GGT1: variants seen among roughly 807,000 people sequenced by gnomAD.
GGT1 encodes glutathione hydrolase 1 proenzyme.
GGT1 carries 21 observed loss-of-function variants against 56.0 expected under a neutral mutation model. The observed-to-expected ratio is 0.38, with a 90% CI of 0.27 to 0.54. GGT1 has a LOEUF of 0.54. Among genes scored for constraint, GGT1 ranks in the 20% least tolerant of loss-of-function variants. GGT1 has a pLI of 0.82. For missense variants in GGT1, 466 were observed against 787.0 expected (o/e 0.59, Z 4.88); for synonymous variants, 238 against 342.6 (o/e 0.69, Z 3.37).
the GGT1 span, chr22:24,588,474 C>A: frequency 3.9e-6 from 3 of 771,860 alleles, no homozygotes; most frequent in South Asian, 5.1e-5. Context: ...GGGCCTCCCC[C>A]TCCTACCCCC....
At chr22:24,599,891 AGG>A (rs2045756314), upstream of GGT1, among the ~76,000 whole-genome samples, 1 of 151,918 alleles carries the variant, frequency 6.6e-6, no homozygotes, top group African/African-American at 2.4e-5. Flanking sequence ...GTGAAGTCAC[AGG>A]GGGCTGTGGG....
chr22:24,621,169 G>A, intron 9 of GGT1, 99 bp downstream of exon 9: 4 of 1,484,038 alleles, frequency 2.7e-6, no homozygotes, highest in Non-Finnish European at 3.6e-6. Flanking sequence ...GCCTGAGCCT[G>A]CAGGAAGTTC....
At chr22:24,585,616 G>A in the GGT1 span, 91 of 521,242 alleles carry the variant, frequency 1.7e-4, 1 homozygote, top group South Asian at 2.1e-3. Flanking sequence ...CCTGAGGTTG[G>A]TGATGCAGAA....
Position 24,621,065 on chromosome 22 carries a change from C to T in GGT1, c.728C>T (p.Ala243Val), listed in dbSNP as rs769782305. Reference protein sequence around the residue: ...LTAQIVKDIQAAGGIVTAEDL... With the variant: ...LTAQIVKDIQVAGGIVTAEDL... ...GCCCAGATTGTGAAGGACATCCAGG[C>T]GGCCGGTGAGTGGGTAACCTCAGGG... Residue 243 changes from alanine (A) to valine (V), a missense_variant, in exon 9 of 16, where the codon GCG becomes GTG. By Grantham distance (64) the Ala-to-Val change is moderately conservative. Transcript: ENST00000400382. 85 of 1,576,734 alleles carry T rather than the reference C, an allele frequency of 5.4e-5. No homozygotes were observed. The highest frequency in any genetic ancestry group is 6.9e-5 in the South Asian group (6 of 87,304).
At chr22:24,584,738 T>TA in the GGT1 span, among the ~76,000 whole-genome samples, 1 of 151,908 alleles carries the variant, frequency 6.6e-6, no homozygotes, top group Non-Finnish European at 1.5e-5. Context: ...CCCCAGACCT[T>TA]ACCTCCTGGC....
chr22:24,590,825 C>G (rs2045547935), upstream of GGT1, among the ~76,000 whole-genome samples: 7 of 152,156 alleles, frequency 4.6e-5, no homozygotes, highest in Admixed American at 4.6e-4. Flanking sequence ...ACCTCCATGA[C>G]CATCTTCCCA....
At position 24,620,967 on chromosome 22, in the gene GGT1, G is replaced by C; in HGVS notation, c.630G>C (p.Leu210=). Residue 210 remains leucine, a synonymous_variant, in exon 9 of 16, where the codon CTG becomes CTC. Transcript: ENST00000400382. This position sits in a 1 kb window ranked among gnomAD's most constrained non-coding sequence, Gnocchi z 5.6. ...TTCGGGAGGGGGAGAGACTGACCCTGCCGCAGCTGGCTGACACCTACGAGA... is the reference window on the plus strand; with the variant it reads ...TTCGGGAGGGGGAGAGACTGACCCTCCCGCAGCTGGCTGACACCTACGAGA... ...KVLREGERLT[L]PQLADTYETL... 21 of 1,612,034 alleles carry C rather than the reference G, an allele frequency of 1.3e-5. No individual in the cohort carries two copies. The highest frequency in any genetic ancestry group is 1.8e-5 in the Non-Finnish European group (21 of 1,179,854).
At chr22:24,619,958 C>T (rs2047311726) in intron 7 of GGT1, among the ~76,000 whole-genome samples, 1 of 149,774 alleles carries the variant, frequency 6.7e-6, no homozygotes, top group Non-Finnish European at 1.5e-5. Context: ...CATCCCTGGT[C>T]CATGTACACT....
chr22:24,602,171 A>C (rs577674115), upstream of GGT1, among the ~76,000 whole-genome samples: 1 of 152,244 alleles, frequency 6.6e-6, no homozygotes, highest in East Asian at 1.9e-4. Context: ...CACTTCCTGG[A>C]AAAGGCTCCA....
At chr22:24,583,950 T>C in the GGT1 span, 1 of 360,142 alleles carries the variant, frequency 2.8e-6, no homozygotes, top group East Asian at 7.5e-5. Flanking sequence ...GGCCTGCTTA[T>C]GTGACAGGTT....
the GGT1 span, chr22:24,588,866 C>T: frequency 2.0e-6 from 2 of 1,007,544 alleles, no homozygotes; most frequent in African/African-American, 3.4e-5. Context: ...GCACCACCAC[C>T]TGGCTCTCTC....
At chr22:24,588,841 A>G in the GGT1 span, 1 of 1,009,480 alleles carries the variant, frequency 9.9e-7, no homozygotes, top group African/African-American at 1.7e-5. Flanking sequence ...GGGCTGGGGG[A>G]TGTAATGTTT....
intron 1 of GGT1, chr22:24,607,689 C>T: frequency 4.0e-6 from 1 of 252,082 alleles, no homozygotes. Flanking sequence ...CTCCCACTGT[C>T]CGCCGGGGCT....
chr22:24,585,656 G>A, the GGT1 span: 48 of 570,496 alleles, frequency 8.4e-5, no homozygotes, highest in Non-Finnish European at 1.1e-4. Flanking sequence ...TCTTTATTGC[G>A]GGGTCCACAC....
chr22:24,584,400 A>C, the GGT1 span, among the ~76,000 whole-genome samples: 1 of 152,218 alleles, frequency 6.6e-6, no homozygotes, highest in Non-Finnish European at 1.5e-5. Context: ...CGCCTAAAGC[A>C]GTGAGATCAG....
Position 24,603,539 on chromosome 22 carries a change from C to T in GGT1, c.-429+12C>T, listed in dbSNP as rs2045835018. 6.6e-6 allele frequency: 1 copy of T among 152,346 alleles called. No homozygotes were observed. Among genetic ancestry groups the T allele is most frequent in the South Asian group, 2.1e-4 (1 of 4,836 alleles). 9.4% of individuals were successfully genotyped at this position (152,346 alleles called of 1,614,324 possible). On this transcript the variant is annotated intron_variant, in intron 1 of 15. Coordinates refer to ENST00000400382, the MANE Select transcript of GGT1 (RefSeq NM_001288833.2). ...GAAGGATCCCACAGGTGGGCAGAGC[C>T]CTGGGTTCTTTATCCGACTGGGTCT...
At chr22:24,590,107 C>T (rs1454663311), upstream of GGT1, among the ~76,000 whole-genome samples, 2 of 152,220 alleles carry the variant, frequency 1.3e-5, no homozygotes, top group Non-Finnish European at 1.5e-5. Context: ...GGCCAACAGT[C>T]CAGTGGCGGG....
At chr22:24,595,983 G>A (rs2045686030) in intron 1 of GGT1, among the ~76,000 whole-genome samples, 1 of 152,250 alleles carries the variant, frequency 6.6e-6, no homozygotes. Flanking sequence ...ATGGTTTGGG[G>A]GCATTCGCTA....
upstream of GGT1, among the ~76,000 whole-genome samples, chr22:24,593,402 T>TG (rs145673095): frequency 0.15 from 23,471 of 151,598 alleles, 2,319 homozygotes; most frequent in Non-Finnish European, 0.21. Context: ...CTAGGCGGGG[T>TG]GGGGGGGTTC....
Sources: gnomAD v4.1 joint callset for allele counts (sites outside exome capture counted in the v4.1 genomes callset) on GRCh38, gnomAD v4.1.1 for gene constraint, Gnocchi (gnomAD v3.1) non-coding constraint, MANE v1.5 for transcripts, NCBI Gene and HGNC (gene_info 2026-07-23, HGNC 2026-07-21) for gene names.